Variants in TMEM214 observed in about 807,000 individuals in gnomAD.
TMEM214 encodes the protein transmembrane protein 214.
Under a neutral mutation model 89.8 loss-of-function variants are expected in TMEM214, and 71 were observed. The observed-to-expected ratio is 0.79, with a 90% CI of 0.65 to 0.96. TMEM214 has a LOEUF of 0.96. Among genes scored for constraint, TMEM214 ranks in the 40% least tolerant of loss-of-function variants. The probability of loss-of-function intolerance (pLI) is 0.00; values close to 1 mark genes in which losing one functional copy is unlikely to be tolerated. For synonymous variants in TMEM214, 332 were observed against 349.5 expected, an observed-to-expected ratio of 0.95 and a Z score of 0.56; for missense variants, 754 against 843.4, an observed-to-expected ratio of 0.89 and a Z score of 1.31.
In TMEM214 at chr2:27,033,087, C is replaced by G; in HGVS notation, c.72C>G (p.Ala24=). 1.6e-6 allele frequency: 2 copies of G among 1,247,470 alleles called. No individual in the cohort carries two copies. The highest frequency in any genetic ancestry group is 2.0e-6 in the Non-Finnish European group (2 of 987,910). The allele number at this position is 1,247,470 out of a possible 1,614,324, so 77.3% of individuals were successfully genotyped here. A position where few individuals can be genotyped will look rare whatever the true frequency, so the allele number is the denominator to read the frequency against. ...AGGGTCGGCGGCCTGGGGTCGGCGCCGGCGCCGGCGGCCGAGGAGGCGGCA... is the reference window on the plus strand; with the variant it reads ...AGGGTCGGCGGCCTGGGGTCGGCGCGGGCGCCGGCGGCCGAGGAGGCGGCA... ...VKKGRRPGVG[A]GAGGRGGGRN... is the part of the protein sequence containing the mutation. Residue 24 remains alanine, a synonymous_variant, in exon 1 of 17, where the codon GCC becomes GCG. Coordinates refer to ENST00000238788, the MANE Select transcript of TMEM214 (RefSeq NM_017727.5).
chr2:27,037,013 G>A, intron 7 of TMEM214, 64 bp from the exon 8 acceptor site: 2 of 1,463,274 alleles, frequency 1.4e-6, no homozygotes, highest in East Asian at 2.3e-5. Flanking sequence ...CTTAGCTGGG[G>A]TCATGGCCAA....
chr2:27,035,189 G>A lies in TMEM214; in HGVS notation c.406G>A (p.Gly136Arg), dbSNP rs1174421948. Reference protein sequence around the residue: ...ELDKSQSVFSGNPSIWLKDLA... With the variant: ...ELDKSQSVFSRNPSIWLKDLA... ...GGACAAGAGCCAGAGTGTGTTCTCT[G>A]GAAACCCATCCATATGGTTGAAGGA... is the stretch of plus-strand genomic sequence containing the variant. The change falls in exon 3 of 17, where the codon GGA (glycine) becomes AGA (arginine). Residue 136 changes from glycine (G) to arginine (R), a missense_variant. Coordinates refer to ENST00000238788, the MANE Select transcript of TMEM214 (RefSeq NM_017727.5). 6.2e-7 allele frequency: 1 copy of A among 1,614,096 alleles called. No homozygotes were observed. Among genetic ancestry groups the A allele is most frequent in the African/African-American group, 1.3e-5 (1 of 75,018 alleles).
intron 1 of TMEM214, 27 bp downstream of exon 1, chr2:27,033,193 T>A (rs963135164): frequency 3.8e-5 from 46 of 1,215,232 alleles, no homozygotes; most frequent in Non-Finnish European, 4.2e-5. Context: ...CCCCGCCGCC[T>A]ACCCCAGGCC....
In TMEM214 at chr2:27,040,138, T is replaced by C. The variant is rs199916552; in HGVS notation, c.1731T>C (p.Ser577=). 3,624 of 1,608,448 alleles carry C rather than the reference T, an allele frequency of 2.3e-3. 11 individuals carry two copies. The highest frequency in any genetic ancestry group is 2.8e-3 in the Non-Finnish European group (3,280 of 1,179,998). The change falls in exon 15 of 17, where the codon TCT becomes TCC. Residue 577 remains serine, a synonymous_variant. Transcript: ENST00000238788. ...CCAATGCCACAGTCAGCTTCCTTTCTGCCCACTGTGCCTCTCACCTTGCGT... is the reference window on the plus strand; with the variant it reads ...CCAATGCCACAGTCAGCTTCCTTTCCGCCCACTGTGCCTCTCACCTTGCGT... ...AHTNATVSFL[S]AHCASHLAWF...
chr2:27,038,496 G>C lies in TMEM214; in HGVS notation c.1257G>C (p.Glu419Asp), dbSNP rs1482142533. ...KHLSQSSLLL[E>D]HLLSSWEQIP... ...GCTTTCCCCACAGCCTTCTGCTGGA[G>C]CACTTGCTCAGCTCCTGGGAGCAGA... Residue 419 changes from glutamate (E) to aspartate (D), a missense_variant, in exon 11 of 17, where the codon GAG (glutamate) becomes GAC (aspartate). Physicochemically the swap from Glu to Asp is conservative, Grantham distance 45. Coordinates refer to ENST00000238788, the MANE Select transcript of TMEM214 (RefSeq NM_017727.5). This position sits in a 1 kb window ranked among gnomAD's most constrained non-coding sequence, Gnocchi z 4.4. The C allele has an allele frequency of 2.5e-6, 4 of 1,613,988 alleles. No individual in the cohort carries two copies. Among genetic ancestry groups the C allele is most frequent in the Non-Finnish European group, 3.4e-6 (4 of 1,180,010 alleles).
chr2:27,039,775 C>T lies in TMEM214; in HGVS notation c.1560C>T (p.Gly520=). The T allele has an allele frequency of 1.2e-6, 2 of 1,614,232 alleles. No homozygotes were observed. The highest frequency in any genetic ancestry group is 1.7e-6 in the Non-Finnish European group (2 of 1,180,036). ...CTGGCCGGTTGCTTCGATCATCTGG[C>T]TTCTTACCTGCTAGCCAACAAGCGT... The part of the protein sequence containing the change: ...SLTGRLLRSS[G]FLPASQQACA... The change falls in exon 14 of 17, where the codon GGC becomes GGT. Residue 520 remains glycine, a synonymous_variant. Transcript: ENST00000238788.
chr2:27,035,554 G>A, intron 3 of TMEM214, 40 bp from the exon 4 acceptor site: 1 of 1,611,530 alleles, frequency 6.2e-7, no homozygotes, highest in Non-Finnish European at 8.5e-7. Context: ...GCTGATGGGT[G>A]TCTGGTCCTA....
chr2:27,040,674 C>T, intron 16 of TMEM214, 37 bp from the exon 17 acceptor site: 2 of 1,609,584 alleles, frequency 1.2e-6, no homozygotes, highest in Middle Eastern at 1.7e-4. Flanking sequence ...CACAGCTACT[C>T]ACGTGCATAC....
chr2:27,037,217 A>T (rs748923774), intron 8 of TMEM214, 39 bp downstream of exon 8: 3 of 1,460,986 alleles, frequency 2.1e-6, no homozygotes, highest in Admixed American at 3.3e-5. Context: ...AGAAGGGACC[A>T]CAGCACCAGA....
chr2:27,037,913 C>A (rs1342002147), intron 9 of TMEM214: 1 of 1,550,358 alleles, frequency 6.5e-7, no homozygotes, highest in East Asian at 2.4e-5. Context: ...TTTCTGATGC[C>A]CGTCTCTTGC....
chr2:27,035,766 C>A (rs1181443080), intron 4 of TMEM214, 38 bp downstream of exon 4: 2 of 1,613,124 alleles, frequency 1.2e-6, no homozygotes, highest in Non-Finnish European at 1.7e-6. Context: ...TCTTGGGAGC[C>A]TCCTCCTTTT....
Position 27,036,051 on chromosome 2 carries a change from A to G in TMEM214, c.719A>G (p.Lys240Arg), listed in dbSNP as rs764233986. 2 of 1,614,016 alleles carry G rather than the reference A, an allele frequency of 1.2e-6. No individual in the cohort carries two copies. The highest frequency in any genetic ancestry group is 1.7e-6 in the Non-Finnish European group (2 of 1,179,988). Residue 240 changes from lysine to arginine, a missense_variant and splice_region_variant, in exon 5 of 17, where the codon AAG (lysine) becomes AGG (arginine). Lys to Arg is a conservative substitution (Grantham distance 26). Transcript: ENST00000238788. The part of the protein sequence containing the change: ...KPKIATANLG[K>R]FLELLRSHQS... ...AAGATTGCCACGGCAAACCTAGGCA[A>G]GGTGAGCTCTCAGTGATGGTGGGGA...
intron 5 of TMEM214, 139 bp downstream of exon 5, chr2:27,036,191 C>A: frequency 1.3e-6 from 1 of 746,238 alleles, no homozygotes; most frequent in Non-Finnish European, 2.3e-6. Context: ...TAGCACCTAT[C>A]CTGTGTGTGT....
chr2:27,036,627 T>C, intron 6 of TMEM214, 35 bp downstream of exon 6: 4 of 1,613,324 alleles, frequency 2.5e-6, no homozygotes, highest in Non-Finnish European at 3.4e-6. Flanking sequence ...AGGGAGGGTC[T>C]CGGAGCTGGA....
Position 27,035,253 on chromosome 2 carries a change from T to G in TMEM214, c.470T>G (p.Leu157Arg), listed in dbSNP as rs759497442. The change falls in exon 3 of 17, where the codon CTA (leucine) becomes CGA (arginine). Residue 157 changes from leucine to arginine, a missense_variant. Coordinates refer to ENST00000238788, the MANE Select transcript of TMEM214 (RefSeq NM_017727.5). Reference sequence around the variant, plus strand: ...CTCAACTACAAGCTACAAGCTCCTCTAAGTGAACCCACGCTGAGCCAGCAT... The same window carrying G: ...CTCAACTACAAGCTACAAGCTCCTCGAAGTGAACCCACGCTGAGCCAGCAT... ...SYLNYKLQAP[L>R]SEPTLSQHTH... 11 of 1,614,114 alleles carry G rather than the reference T, an allele frequency of 6.8e-6. No homozygotes were observed. Among genetic ancestry groups the G allele is most frequent in the Non-Finnish European group, 8.5e-6 (10 of 1,180,050 alleles).
chr2:27,035,513 C>T, intron 3 of TMEM214, 81 bp from the exon 4 acceptor site: 1 of 1,577,516 alleles, frequency 6.3e-7, no homozygotes, highest in Non-Finnish European at 8.6e-7. Context: ...CTCCACTCAC[C>T]ATTCCCAGGG....
chr2:27,035,339 G>C (rs1456243677), intron 3 of TMEM214, 54 bp downstream of exon 3: 3 of 1,610,872 alleles, frequency 1.9e-6, no homozygotes, highest in Non-Finnish European at 2.5e-6. Flanking sequence ...ATTCAAAAAG[G>C]GTGGTATAAC....
chr2:27,040,588 G>A, intron 16 of TMEM214, 92 bp downstream of exon 16: 6 of 1,584,214 alleles, frequency 3.8e-6, no homozygotes, highest in Non-Finnish European at 3.4e-6. Context: ...CTCCCACACT[G>A]TCCTGCCCCT....
At position 27,039,786 on chromosome 2, in the gene TMEM214, C is replaced by T; in HGVS notation, c.1571C>T (p.Ala524Val). 1 of 1,614,212 alleles carries T rather than the reference C, an allele frequency of 6.2e-7. No individual in the cohort carries two copies. Among genetic ancestry groups the T allele is most frequent in the Non-Finnish European group, 8.5e-7 (1 of 1,180,026 alleles). Reference protein sequence around the residue: ...RLLRSSGFLPASQQACAKLYS... With the variant: ...RLLRSSGFLPVSQQACAKLYS... ...CTTCGATCATCTGGCTTCTTACCTG[C>T]TAGCCAACAAGCGTGTGCCAAGCTC... Residue 524 changes from alanine (A) to valine (V), a missense_variant, in exon 14 of 17, where the codon GCT becomes GTT. Transcript: ENST00000238788.
Sources: gnomAD v4.1 joint callset for allele counts on GRCh38, gnomAD v4.1.1 for gene constraint, Gnocchi (gnomAD v3.1) non-coding constraint, MANE v1.5 for transcripts, NCBI Gene and HGNC (gene_info 2026-07-23, HGNC 2026-07-21) for gene names.